KLF11: variants seen among roughly 807,000 people sequenced by gnomAD.
The protein encoded by KLF11 is Krueppel-like factor 11.
KLF11 carries 26 observed loss-of-function variants against 29.9 expected under a neutral mutation model. The ratio of observed to expected loss-of-function variants is 0.87; its 90% confidence interval spans 0.64 to 1.21. The LOEUF is 1.21. Ranked by LOEUF, KLF11 falls within the 50% of genes most tolerant of loss-of-function variation. The pLI, the probability that KLF11 is intolerant of heterozygous loss-of-function variation, is 0.00. For missense variants in KLF11, 778 were observed against 665.7 expected (o/e 1.17, Z -1.86); for synonymous variants, 318 against 257.4 (o/e 1.24, Z -2.25).
intron 1 of KLF11, among the ~76,000 whole-genome samples, chr2:10,045,095 G>T (rs2125276118): frequency 6.6e-6 from 1 of 152,110 alleles, no homozygotes; most frequent in South Asian, 2.1e-4. Flanking sequence ...GTGGTGAGCC[G>T]AGATGGTGCC....
In KLF11 at chr2:10,053,161, C is replaced by T. The variant is rs144723641; in HGVS notation, c.*654C>T. 1.6e-4 allele frequency: 51 copies of T among 322,078 alleles called. 1 individual carries two copies. The East Asian group carries it at 1.7e-3, about 11-fold the overall frequency. The allele number at this position is 322,078 out of a possible 1,614,324, so 20.0% of individuals were successfully genotyped here. ...GGAAATTCTAGGCAATCATTCCTGT[C>T]ACCAAAGAACTAAAATTTTGGTTGA... On this transcript the variant is annotated 3_prime_UTR_variant, in exon 4 of 4. Coordinates refer to ENST00000305883, the MANE Select transcript of KLF11 (RefSeq NM_003597.5).
chr2:10,043,552 C>T lies in KLF11; in HGVS notation c.-165C>T, dbSNP rs1465068097. The stretch of plus-strand genomic sequence containing the variant: ...CGCGGCCGCCCCGCCCCTCCCGCGC[C>T]GCGAGGGCCGCGCCGGGGCAGAGCC... On this transcript the variant is annotated 5_prime_UTR_variant, in exon 1 of 4. Coordinates refer to ENST00000305883, the MANE Select transcript of KLF11 (RefSeq NM_003597.5). 6.9e-6 allele frequency: 2 copies of T among 288,360 alleles called. No homozygotes were observed. Among genetic ancestry groups the T allele is most frequent in the Non-Finnish European group, 1.0e-5 (2 of 195,996 alleles). The allele number at this position is 288,360 out of a possible 1,614,324, so 17.9% of individuals were successfully genotyped here.
intron 1 of KLF11, chr2:10,044,159 GT>G: frequency 6.3e-6 from 1 of 159,942 alleles, no homozygotes; most frequent in Non-Finnish European, 7.4e-6. Context: ...ACGCGGCACG[GT>G]TTTGGGGGCG....
intron 2 of KLF11, among the ~76,000 whole-genome samples, 196 bp downstream of exon 2, chr2:10,046,615 G>A (rs1661212538): frequency 6.6e-6 from 1 of 152,172 alleles, no homozygotes; most frequent in African/African-American, 2.4e-5. Context: ...CCAGCACTTT[G>A]GGAGGGCCAG....
intron 3 of KLF11, among the ~76,000 whole-genome samples, chr2:10,049,855 G>A (rs1015760754): frequency 3.9e-5 from 6 of 152,158 alleles, no homozygotes; most frequent in African/African-American, 1.2e-4. Flanking sequence ...GCAGATGGAC[G>A]TGGGGCTGTG....
rs769218239 is a variant in KLF11, at chr2:10,052,387, C to G, written c.1419C>G (p.Ala473=). Residue 473 remains alanine, a synonymous_variant, in exon 4 of 4, where the codon GCC becomes GCG. Transcript: ENST00000305883. ...FMRSDHLTKH[A]RRHMTTKKIP... ...GCAGTGACCACCTGACGAAGCATGC[C>G]CGGCGCCACATGACGACCAAGAAGA... 6.2e-7 allele frequency: 1 copy of G among 1,614,118 alleles called. No homozygotes were observed. The highest frequency in any genetic ancestry group is 8.5e-7 in the Non-Finnish European group (1 of 1,180,018).
intron 3 of KLF11, among the ~76,000 whole-genome samples, chr2:10,051,680 G>A (rs1661410309): frequency 6.6e-6 from 1 of 151,610 alleles, no homozygotes. Context: ...ACCACACCCG[G>A]CTAGTTTTTT....
rs1459147056 is a variant in KLF11 at position 10,048,120 on chromosome 2, A to G, written c.783A>G (p.Pro261=). The change falls in exon 3 of 4, where the codon CCA becomes CCG. Residue 261 remains proline, a synonymous_variant. Coordinates refer to ENST00000305883, the MANE Select transcript of KLF11 (RefSeq NM_003597.5). ...GWPGAVQTCS[P]KNYENDLPRK... is the part of the protein sequence containing the mutation. ...CTGGTGCAGTTCAGACTTGCTCACC[A>G]AAGAATTATGAAAATGACCTGCCCA... 2.5e-6 allele frequency: 4 copies of G among 1,614,194 alleles called. No homozygotes were observed. In the African/African-American group the frequency reaches 4.0e-5, roughly 16 times the overall value.
chr2:10,043,732 T>G lies in KLF11; in HGVS notation c.16T>G (p.Phe6Val). 7.3e-7 allele frequency: 1 copy of G among 1,374,748 alleles called. No homozygotes were observed. Among genetic ancestry groups the G allele is most frequent in the Non-Finnish European group, 9.5e-7 (1 of 1,048,684 alleles). The allele number at this position is 1,374,748 out of a possible 1,614,324, so 85.2% of individuals were successfully genotyped here. The change falls in exon 1 of 4, where the codon TTC (phenylalanine) becomes GTC (valine). Residue 6 changes from phenylalanine to valine, a missense_variant. Transcript: ENST00000305883. MHTPDFAGPDDARAVD... is the reference protein window; with the variant it reads MHTPDVAGPDDARAVD... ...GGCCTGCACGATGCACACGCCGGAC[T>G]TCGCAGGCCCAGACGACGCGCGCGC...
chr2:10,047,636 A>AC lies in KLF11; in HGVS notation c.313-13dup, dbSNP rs760091417. On this transcript the variant is annotated splice_polypyrimidine_tract_variant and intron_variant, in intron 2 of 3. Transcript: ENST00000305883. ...ATTTAAAGCAACCTTTTAACATGGT[A>AC]CTTTTTTTTTTAGTGCATAACTCCT... 1 of 1,559,950 alleles carries AC rather than the reference A, an allele frequency of 6.4e-7. No individual in the cohort carries two copies. The highest frequency in any genetic ancestry group is 1.1e-5 in the South Asian group (1 of 90,084).
intron 1 of KLF11, 76 bp downstream of exon 1, chr2:10,043,834 C>A: frequency 7.8e-7 from 1 of 1,285,514 alleles, no homozygotes; most frequent in Non-Finnish European, 1.0e-6. Flanking sequence ...GCGGCACTCG[C>A]GCGCCTGTAA....
Position 10,052,858 on chromosome 2 carries a change from G to T in KLF11, c.*351G>T. On this transcript the variant is annotated 3_prime_UTR_variant, in exon 4 of 4. Coordinates refer to ENST00000305883, the MANE Select transcript of KLF11 (RefSeq NM_003597.5). ...ATTGATGTTTTGTAGAAATAAGACA[G>T]GGTACTAATTTTTATACTGGTTTTT... 1 of 345,346 alleles carries T rather than the reference G, an allele frequency of 2.9e-6. No individual in the cohort carries two copies. The highest frequency in any genetic ancestry group is 5.2e-6 in the Non-Finnish European group (1 of 190,782). The allele number at this position is 345,346 out of a possible 1,614,324, so 21.4% of individuals were successfully genotyped here. A position where few individuals can be genotyped will look rare whatever the true frequency, so the allele number is the denominator to read the frequency against.
intron 3 of KLF11, among the ~76,000 whole-genome samples, chr2:10,049,172 T>C (rs530913916): frequency 6.6e-6 from 1 of 152,342 alleles, no homozygotes; most frequent in South Asian, 2.1e-4. Flanking sequence ...TTTTTTGCAA[T>C]GGTGGAAATG....
chr2:10,043,996 C>A (rs867997722), intron 1 of KLF11: 19 of 810,264 alleles, frequency 2.3e-5, no homozygotes, highest in Non-Finnish European at 2.9e-5. Flanking sequence ...CTTTGTCTTG[C>A]GCTTCCTGGG....
intron 3 of KLF11, among the ~76,000 whole-genome samples, chr2:10,049,103 C>G (rs1661328937): frequency 6.6e-6 from 1 of 152,136 alleles, no homozygotes; most frequent in Non-Finnish European, 1.5e-5. Context: ...GTAAGTCACA[C>G]AAGAAACTAT....
intron 2 of KLF11, 69 bp downstream of exon 2, chr2:10,046,488 G>A (rs1661207992): frequency 1.3e-6 from 2 of 1,536,230 alleles, no homozygotes; most frequent in East Asian, 2.2e-5. Flanking sequence ...GTGTGTTGAA[G>A]AACTTGTGAG....
rs760634967 is a variant in KLF11, at chr2:10,047,637, CT to C, written c.313-3del. ...TTTAAAGCAACCTTTTAACATGGTA[CT>C]TTTTTTTTTAGTGCATAACTCCTCC... On this transcript the variant is annotated splice_polypyrimidine_tract_variant and intron_variant, in intron 2 of 3. Coordinates refer to ENST00000305883, the MANE Select transcript of KLF11 (RefSeq NM_003597.5). 9.3e-3 allele frequency: 10,630 copies of C among 1,145,852 alleles called. No individual in the cohort carries two copies. Among genetic ancestry groups the C allele is most frequent in the Non-Finnish European group, 0.011 (8,721 of 821,614 alleles). 71.0% of individuals were successfully genotyped at this position (1,145,852 alleles called of 1,614,324 possible).
Position 10,047,682 on chromosome 2 carries a change from G to T in KLF11, c.345G>T (p.Val115=). 1 of 1,613,292 alleles carries T rather than the reference G, an allele frequency of 6.2e-7. No individual in the cohort carries two copies. The highest frequency in any genetic ancestry group is 8.5e-7 in the Non-Finnish European group (1 of 1,179,998). Residue 115 remains valine, a synonymous_variant, in exon 3 of 4, where the codon GTG becomes GTT. Coordinates refer to ENST00000305883, the MANE Select transcript of KLF11 (RefSeq NM_003597.5). ...CITPPQSPDL[V]EPSTRTPVSP... is the part of the protein sequence containing the mutation. ...CTCCTCCTCAGAGCCCTGATCTCGT[G>T]GAGCCATCGACAAGGACACCTGTTT...
In KLF11 at chr2:10,052,369, C is replaced by G; in HGVS notation, c.1401C>G (p.Asp467Glu). Reference sequence around the variant, plus strand: ...GTGACCGACGTTTCATGCGCAGTGACCACCTGACGAAGCATGCCCGGCGCC... The same window carrying G: ...GTGACCGACGTTTCATGCGCAGTGAGCACCTGACGAAGCATGCCCGGCGCC... ...PVCDRRFMRS[D>E]HLTKHARRHM... The change falls in exon 4 of 4, where the codon GAC becomes GAG. Residue 467 changes from aspartate (D) to glutamate (E), a missense_variant. Coordinates refer to ENST00000305883, the MANE Select transcript of KLF11 (RefSeq NM_003597.5). 6.2e-7 allele frequency: 1 copy of G among 1,614,080 alleles called. No homozygotes were observed. The highest frequency in any genetic ancestry group is 8.5e-7 in the Non-Finnish European group (1 of 1,180,022).
Sources: gnomAD v4.1 joint callset for allele counts (sites outside exome capture counted in the v4.1 genomes callset) on GRCh38, gnomAD v4.1.1 for gene constraint, MANE v1.5 for transcripts, NCBI Gene and HGNC (gene_info 2026-07-23, HGNC 2026-07-21) for gene names.